UGT1A8: variants seen among roughly 807,000 people sequenced by gnomAD.
UGT1A8 encodes UDP-glucuronosyltransferase 1A8.
UGT1A8 carries 39 observed loss-of-function variants against 45.3 expected under a neutral mutation model. That is an observed-to-expected ratio of 0.86 (90% confidence interval 0.67 to 1.12). The LOEUF (loss-of-function observed/expected upper bound fraction) is 1.12, where lower values mean the gene tolerates loss of function less well. Among genes scored for constraint, UGT1A8 ranks in the 50% most tolerant of loss-of-function variants. The probability of loss-of-function intolerance (pLI) is 0.00; values close to 1 mark genes in which losing one functional copy is unlikely to be tolerated. For missense variants in UGT1A8, 719 were observed against 664.9 expected (o/e 1.08, Z -0.90); for synonymous variants, 275 against 249.2 (o/e 1.10, Z -0.97).
chr2:233,617,662 A>T lies in UGT1A8; in HGVS notation c.-46A>T. 6.3e-7 allele frequency: 1 copy of T among 1,583,766 alleles called. No individual in the cohort carries two copies. The highest frequency in any genetic ancestry group is 8.6e-7 in the Non-Finnish European group (1 of 1,163,848). ...CTGTAGTTCTTCCGCCTACTGTATC[A>T]TAGCAGCTTAGAATCCCAGCTGCTG... is the stretch of plus-strand genomic sequence containing the variant. On this transcript the variant is annotated 5_prime_UTR_variant, in exon 1 of 5. Transcript: ENST00000373450.
chr2:233,747,645 T>G, intron 1 of UGT1A8: 1 of 1,586,272 alleles, frequency 6.3e-7, no homozygotes, highest in Non-Finnish European at 8.7e-7. Context: ...GAATGCTACT[T>G]CCTTCGATGT....
chr2:233,636,336 A>G (rs985127576), intron 1 of UGT1A8: 2 of 1,079,566 alleles, frequency 1.9e-6, no homozygotes, highest in Non-Finnish European at 2.5e-6. Flanking sequence ...TAGGTATCTC[A>G]GCAAATGATA....
chr2:233,657,794 A>T (rs909173298), intron 1 of UGT1A8, among the ~76,000 whole-genome samples: 2 of 152,086 alleles, frequency 1.3e-5, no homozygotes, highest in African/African-American at 2.4e-5. Context: ...TGCCATCTGT[A>T]TATGTTCTTT....
chr2:233,678,404 T>C (rs1317749782), intron 1 of UGT1A8, among the ~76,000 whole-genome samples: 1 of 152,102 alleles, frequency 6.6e-6, no homozygotes, highest in Non-Finnish European at 1.5e-5. Flanking sequence ...GGAGTAGATG[T>C]TGATTTTGCT....
intron 1 of UGT1A8, among the ~76,000 whole-genome samples, chr2:233,638,639 C>T (rs2073368361): frequency 6.6e-6 from 1 of 152,094 alleles, no homozygotes; most frequent in South Asian, 2.1e-4. Flanking sequence ...CCAGATGAAA[C>T]ACCTGGTGTC....
intron 1 of UGT1A8, among the ~76,000 whole-genome samples, chr2:233,712,367 C>CT (rs998199690): frequency 1.4e-4 from 22 of 152,290 alleles, no homozygotes; most frequent in African/African-American, 4.1e-4. Flanking sequence ...CTCCCTGCAG[C>CT]TTTTTTTATA....
intron 1 of UGT1A8, chr2:233,648,949 G>A (rs561698132): frequency 7.0e-7 from 1 of 1,436,864 alleles, no homozygotes; most frequent in South Asian, 1.1e-5. Flanking sequence ...CTTTGTTTTG[G>A]AGTATCCCAA....
chr2:233,618,809 A>G (rs373292059), intron 1 of UGT1A8, among the ~76,000 whole-genome samples: 1 of 152,100 alleles, frequency 6.6e-6, no homozygotes, highest in South Asian at 2.1e-4. Context: ...TTTGAGTACC[A>G]TGTTTAGAAA....
At chr2:233,719,407 A>G (rs775904501) in intron 1 of UGT1A8, 11 of 1,613,816 alleles carry the variant, frequency 6.8e-6, no homozygotes, top group African/African-American at 5.3e-5. Context: ...TATATTCCTA[A>G]GTTACTAACG....
rs776620916 is a variant in UGT1A8 at position 233,617,992 on chromosome 2, T to C, written c.285T>C (p.Asp95=). The change falls in exon 1 of 5, where the codon GAT becomes GAC. Residue 95 remains aspartate (D), a synonymous_variant. Coordinates refer to ENST00000373450, the MANE Select transcript of UGT1A8 (RefSeq NM_019076.5). ...ACCGGGAATTCATGGATTTCGCCGA[T>C]GCTCAATGGAAAGCACAAGTACGAA... The part of the protein sequence containing the change: ...DLDREFMDFA[D]AQWKAQVRSL... 8 of 1,614,110 alleles carry C rather than the reference T, an allele frequency of 5.0e-6. No individual in the cohort carries two copies. Among genetic ancestry groups the C allele is most frequent in the Admixed American group, 1.7e-5 (1 of 60,000 alleles).
intron 1 of UGT1A8, among the ~76,000 whole-genome samples, chr2:233,720,593 A>G (rs12468543): frequency 0.08 from 12,154 of 152,072 alleles, 627 homozygotes; most frequent in East Asian, 0.2. Context: ...TTCAGAGGTG[A>G]CTTTCATTAA....
At chr2:233,701,747 G>C (rs1017552301) in intron 1 of UGT1A8, among the ~76,000 whole-genome samples, 1 of 152,128 alleles carries the variant, frequency 6.6e-6, no homozygotes, top group Non-Finnish European at 1.5e-5. Context: ...AATAACTACT[G>C]GGTACATAAC....
chr2:233,672,703 T>G lies in UGT1A8; in HGVS notation c.855+54141T>G, dbSNP rs759716033. ...ATCAATTTGGTTGTTGCGAACGGACTTTGTTTTGGACTATCCCAAACCCGT... is the reference window on the plus strand; with the variant it reads ...ATCAATTTGGTTGTTGCGAACGGACGTTGTTTTGGACTATCCCAAACCCGT... On this transcript the variant is annotated intron_variant, in intron 1 of 4. Transcript: ENST00000373450. 6.2e-6 allele frequency: 10 copies of G among 1,613,976 alleles called. No individual in the cohort carries two copies. The highest frequency in any genetic ancestry group is 1.3e-5 in the African/African-American group (1 of 75,036).
chr2:233,699,672 C>T (rs1248464548), intron 1 of UGT1A8, among the ~76,000 whole-genome samples: 3 of 152,188 alleles, frequency 2.0e-5, no homozygotes, highest in Non-Finnish European at 4.4e-5. Context: ...GAAACTTTCT[C>T]GCTGAGAGGT....
At chr2:233,682,929 A>G (rs925012873) in intron 1 of UGT1A8, 2 of 1,456,056 alleles carry the variant, frequency 1.4e-6, no homozygotes, top group African/African-American at 2.8e-5. Context: ...TTTTGTACCA[A>G]TTCACTTAAT....
intron 1 of UGT1A8, among the ~76,000 whole-genome samples, chr2:233,651,951 A>G (rs1274609462): frequency 1.3e-5 from 2 of 152,234 alleles, no homozygotes; most frequent in Non-Finnish European, 2.9e-5. Flanking sequence ...TAACCAAGAT[A>G]GCAGATCATC....
At chr2:233,708,407 T>G (rs2076017107) in intron 1 of UGT1A8, 1 of 152,202 alleles carries the variant, frequency 6.6e-6, no homozygotes, top group South Asian at 2.1e-4. Context: ...TTCATCAAGT[T>G]GTTTCACCAG....
intron 1 of UGT1A8, among the ~76,000 whole-genome samples, chr2:233,625,958 C>G (rs573863153): frequency 0.012 from 1,828 of 152,006 alleles, 15 homozygotes; most frequent in Admixed American, 0.019. Context: ...AAGAGGAAGT[C>G]ATTCATCATA....
In UGT1A8 at chr2:233,769,485, G is replaced by A; in HGVS notation, c.1295+1046G>A. On this transcript the variant is annotated intron_variant, in intron 4 of 4. Coordinates refer to ENST00000373450, the MANE Select transcript of UGT1A8 (RefSeq NM_019076.5). This position sits in a 1 kb window ranked among gnomAD's most constrained non-coding sequence, Gnocchi z 4.4. ...TATGCGTGTGTGTGTGTGTGCGTGTGTTTATGAGAGTGTCCATTGCTTTCT... is the reference window on the plus strand; with the variant it reads ...TATGCGTGTGTGTGTGTGTGCGTGTATTTATGAGAGTGTCCATTGCTTTCT... 6.2e-7 allele frequency: 1 copy of A among 1,612,612 alleles called. No individual in the cohort carries two copies. Among genetic ancestry groups the A allele is most frequent in the Non-Finnish European group, 8.5e-7 (1 of 1,179,716 alleles).
Sources: allele counts gnomAD v4.1 joint callset (sites outside exome capture counted in the v4.1 genomes callset), GRCh38; gene constraint gnomAD v4.1.1; non-coding constraint Gnocchi (gnomAD v3.1); transcripts MANE v1.5; gene names NCBI Gene and HGNC (gene_info 2026-07-23, HGNC 2026-07-21).